Variants in CFAP47 observed in about 807,000 individuals in gnomAD.
CFAP47 encodes the protein cilia and flagella associated protein 47, also known as cilia- and flagella-associated protein 47.
Under a neutral mutation model 148.1 loss-of-function variants are expected in CFAP47, and 29 were observed. The observed-to-expected ratio is 0.20, with a 90% CI of 0.15 to 0.27. The LOEUF (loss-of-function observed/expected upper bound fraction) is 0.27. Ranked by LOEUF, CFAP47 falls within the 10% of genes least tolerant of loss-of-function variation. CFAP47 has a pLI of 1.00. For synonymous variants in CFAP47, 664 were observed against 577.3 expected (o/e 1.15, Z -2.15); for missense variants, 1,872 against 1,697.5 (o/e 1.10, Z -1.81).
At chrX:36,234,486 C>G (rs1243888851) in intron 46 of CFAP47, among the ~76,000 whole-genome samples, 6 of 111,966 alleles carry the variant, frequency 5.4e-5, no homozygotes, top group South Asian at 3.7e-4. Context: ...AAGCACTTCT[C>G]TGTATTGGTT....
At chrX:36,131,471 C>T (rs1177356247) in intron 33 of CFAP47, among the ~76,000 whole-genome samples, 1 of 111,024 alleles carries the variant, frequency 9.0e-6, no homozygotes, top group Non-Finnish European at 1.9e-5. Context: ...AAAAAAAAGT[C>T]TCTTGAGAAA....
At chrX:36,196,969 A>G (rs1435090758) in intron 42 of CFAP47, among the ~76,000 whole-genome samples, 1 of 111,623 alleles carries the variant, frequency 9.0e-6, no homozygotes, top group Non-Finnish European at 1.9e-5. Flanking sequence ...TGTGCCTTTC[A>G]TGGTCTAATT....
intron 39 of CFAP47, among the ~76,000 whole-genome samples, chrX:36,166,219 G>T (rs951653759): frequency 9.1e-6 from 1 of 109,736 alleles, no homozygotes; most frequent in Non-Finnish European, 1.9e-5. Flanking sequence ...TTTTATTCAG[G>T]TAATTTCATT....
At chrX:36,001,913 C>T (rs1489823998) in intron 21 of CFAP47, among the ~76,000 whole-genome samples, 1 of 111,432 alleles carries the variant, frequency 9.0e-6, no homozygotes, top group Non-Finnish European at 1.9e-5. Flanking sequence ...AGGGCATGTA[C>T]AGGGGACCTA....
At chrX:35,969,037 T>A (rs1936451957) in intron 10 of CFAP47, among the ~76,000 whole-genome samples, 1 of 110,312 alleles carries the variant, frequency 9.1e-6, no homozygotes. Flanking sequence ...AGATATAATG[T>A]GTTAATTTAA....
chrX:36,236,659 A>G (rs1940470517), intron 47 of CFAP47, 27 bp from the exon 48 acceptor site: 1 of 520,120 alleles, frequency 1.9e-6, no homozygotes. Flanking sequence ...ACTCCTATAG[A>G]CCTGAAATTT....
At chrX:35,988,052 C>T (rs930953093) in intron 15 of CFAP47, among the ~76,000 whole-genome samples, 20 of 111,575 alleles carry the variant, frequency 1.8e-4, no homozygotes, top group South Asian at 3.8e-4. Context: ...TGTTCCTATT[C>T]GGCCATCTTG....
intron 15 of CFAP47, among the ~76,000 whole-genome samples, chrX:35,977,554 TTTG>T: frequency 9.0e-6 from 1 of 111,086 alleles, no homozygotes; most frequent in East Asian, 2.8e-4. Context: ...TCCTCCCTCC[TTTG>T]TTCTCTTTCT....
intron 27 of CFAP47, among the ~76,000 whole-genome samples, chrX:36,068,689 G>A (rs1937686092): frequency 9.2e-6 from 1 of 108,747 alleles, no homozygotes; most frequent in African/African-American, 3.4e-5. Context: ...CGGGCGCAGG[G>A]GCTCACGCCT....
chrX:36,175,534 G>T (rs1939660777), intron 39 of CFAP47, among the ~76,000 whole-genome samples: 1 of 111,714 alleles, frequency 9.0e-6, no homozygotes, highest in African/African-American at 3.3e-5. Flanking sequence ...ACCCTCAGCT[G>T]CAGGTCTGTT....
chrX:36,165,418 T>C (rs901725349), intron 39 of CFAP47, among the ~76,000 whole-genome samples: 3 of 111,434 alleles, frequency 2.7e-5, no homozygotes, highest in Admixed American at 9.6e-5. Flanking sequence ...GAGTTTACCA[T>C]AGACATTTTT....
At chrX:36,239,118 G>A (rs781831231) in intron 48 of CFAP47, among the ~76,000 whole-genome samples, 210 of 111,897 alleles carry the variant, frequency 1.9e-3, no homozygotes, top group Non-Finnish European at 3.4e-3. Flanking sequence ...ATGAGATATA[G>A]GTAAAATGCT....
At chrX:36,245,643 T>G (rs1160871450) in intron 48 of CFAP47, among the ~76,000 whole-genome samples, 1 of 111,151 alleles carries the variant, frequency 9.0e-6, no homozygotes, top group Non-Finnish European at 1.9e-5. Flanking sequence ...AGGTAGAAGA[T>G]CTCTGCAAAG....
intron 15 of CFAP47, among the ~76,000 whole-genome samples, chrX:35,979,120 A>G (rs754672459): frequency 3.6e-5 from 4 of 111,099 alleles, no homozygotes; most frequent in South Asian, 3.9e-4. Flanking sequence ...CTGGGATTAT[A>G]GGCATGTGCC....
chrX:36,138,300 G>A, intron 34 of CFAP47, 48 bp from the exon 35 acceptor site: 1 of 1,048,458 alleles, frequency 9.5e-7, no homozygotes, highest in Non-Finnish European at 1.2e-6. Flanking sequence ...TTAAAAAACA[G>A]AATTTTTTAT....
At chrX:36,108,747 C>T (rs1031263874) in intron 33 of CFAP47, among the ~76,000 whole-genome samples, 1 of 109,489 alleles carries the variant, frequency 9.1e-6, no homozygotes, top group Non-Finnish European at 1.9e-5. Flanking sequence ...GACTTTTGCA[C>T]ATTATACTTC....
rs781934214 is a variant in CFAP47, at chrX:36,350,057, G to A, written c.8623G>A (p.Glu2875Lys). The A allele has an allele frequency of 1.0e-5, 12 of 1,152,945 alleles. No individual in the cohort carries two copies. Among genetic ancestry groups the A allele is most frequent in the African/African-American group, 7.3e-5 (4 of 55,155 alleles). ...KFKSIVGIDS[E>K]EIQAIHWIYP... ...AATTAGTATTGTGGGAATCGACAGCGAAGAAATCCAAGCAATACACTGGAT... is the reference window on the plus strand; with the variant it reads ...AATTAGTATTGTGGGAATCGACAGCAAAGAAATCCAAGCAATACACTGGAT... Residue 2875 changes from glutamate (E) to lysine (K), a missense_variant, in exon 59 of 64, where the codon GAA (glutamate) becomes AAA (lysine). By Grantham distance (56) the Glu-to-Lys change is moderately conservative (BLOSUM62 1). Transcript: ENST00000378653.
At chrX:36,355,762 A>C (rs888712283) in intron 60 of CFAP47, among the ~76,000 whole-genome samples, 13 of 111,960 alleles carry the variant, frequency 1.2e-4, no homozygotes, top group Non-Finnish European at 2.4e-4. Flanking sequence ...TACTAAATGC[A>C]TAAGTTCTAG....
At chrX:35,989,704 A>G (rs1936764729) in intron 16 of CFAP47, 11 of 709,441 alleles carry the variant, frequency 1.6e-5, no homozygotes, top group Non-Finnish European at 2.2e-5. Flanking sequence ...ATGTGAGTAG[A>G]GGGAAAGCTG....
Sources: allele counts gnomAD v4.1 joint callset (sites outside exome capture counted in the v4.1 genomes callset), GRCh38; gene constraint gnomAD v4.1.1; transcripts MANE v1.5; gene names NCBI Gene and HGNC (gene_info 2026-07-23, HGNC 2026-07-21).